Variants in LPL observed in about 807,000 individuals in gnomAD.
LPL encodes the protein lipoprotein lipase, also known as phospholipase A1.
A neutral mutation model predicts 52.2 loss-of-function variants in LPL; 43 were observed. The ratio of observed to expected loss-of-function variants is 0.82; its 90% confidence interval spans 0.64 to 1.06. The LOEUF (loss-of-function observed/expected upper bound fraction) is 1.06. LPL is among the 50% of genes least tolerant of loss of function. LPL has a pLI of 0.00. For missense variants in LPL, 639 were observed against 585.3 expected (o/e 1.09, Z -0.95); for synonymous variants, 244 against 215.6 (o/e 1.13, Z -1.15).
chr8:19,950,379 G>T lies in LPL; in HGVS notation c.250-1390G>T, dbSNP rs1363778663. Among the ~76,000 whole-genome samples, 1 of 152,242 alleles carries T rather than the reference G, an allele frequency of 6.6e-6. No homozygotes were observed. Among genetic ancestry groups the T allele is most frequent in the Non-Finnish European group, 1.5e-5 (1 of 68,046 alleles). ...CTTAGATTTTTCATTTGCTTTGTTT[G>T]GGATTACTTACATCAGTATTTTATG... On this transcript the variant is annotated intron_variant, in intron 2 of 9. Coordinates refer to ENST00000650287, the MANE Select transcript of LPL (RefSeq NM_000237.3). The surrounding 1 kb of genome is among the most constrained non-coding windows in gnomAD (Gnocchi z 4.2).
chr8:19,940,373 G>A (rs966140619), intron 1 of LPL, among the ~76,000 whole-genome samples: 2 of 152,184 alleles, frequency 1.3e-5, no homozygotes, highest in African/African-American at 4.8e-5. Flanking sequence ...GTCAGCTCCG[G>A]GCGCCCGGCC....
chr8:19,956,189 G>C (rs2069984222), intron 6 of LPL, 106 bp downstream of exon 6: 1 of 1,510,054 alleles, frequency 6.6e-7, no homozygotes, highest in Non-Finnish European at 9.1e-7. Context: ...ATGATGACTG[G>C]TGTTACTAAA....
At chr8:19,949,827 T>G (rs1385451395) in intron 2 of LPL, among the ~76,000 whole-genome samples, 1 of 152,206 alleles carries the variant, frequency 6.6e-6, no homozygotes, top group Non-Finnish European at 1.5e-5. Context: ...ATACAGAACT[T>G]GGATTTTAAA....
In LPL at chr8:19,959,340, T is replaced by C; in HGVS notation, c.1099T>C (p.Tyr367His). The change falls in exon 7 of 10, where the codon TAT (tyrosine) becomes CAT (histidine). Residue 367 changes from tyrosine (Y) to histidine (H), a missense_variant. Transcript: ENST00000650287. ...CAATCAGGCCTTTGAGATTTCTCTGTATGGCACCGTGGCCGAGAGTGAGAA... is the reference window on the plus strand; with the variant it reads ...CAATCAGGCCTTTGAGATTTCTCTGCATGGCACCGTGGCCGAGAGTGAGAA... Reference protein sequence around the residue: ...HTNQAFEISLYGTVAESENIP... With the variant: ...HTNQAFEISLHGTVAESENIP... 6.2e-7 allele frequency: 1 copy of C among 1,614,180 alleles called. No homozygotes were observed. Among genetic ancestry groups the C allele is most frequent in the South Asian group, 1.1e-5 (1 of 91,080 alleles).
intron 9 of LPL, 25 bp from the exon 10 acceptor site, chr8:19,965,285 C>T (rs2070075667): frequency 1.3e-6 from 1 of 780,584 alleles, no homozygotes; most frequent in Non-Finnish European, 2.4e-6. Flanking sequence ...TAATAAATTG[C>T]CCTTTTTCCT....
In LPL at chr8:19,959,292, G is replaced by A. The variant is rs772132247; in HGVS notation, c.1051G>A (p.Gly351Arg). The change falls in exon 7 of 10, where the codon GGG becomes AGG. Residue 351 changes from glycine to arginine, a missense_variant. Transcript: ENST00000650287. The part of the protein sequence containing the change: ...FHYQVKIHFS[G>R]TESETHTNQA... ...TTACCAAGTAAAGATTCATTTTTCTGGGACTGAGAGTGAAACCCATACCAA... is the reference window on the plus strand; with the variant it reads ...TTACCAAGTAAAGATTCATTTTTCTAGGACTGAGAGTGAAACCCATACCAA... The A allele has an allele frequency of 9.3e-6, 15 of 1,613,882 alleles. No individual in the cohort carries two copies. The Admixed American group carries it at 2.5e-4, about 27-fold the overall frequency.
At chr8:19,959,797 TTTTTTTTTTG>T (rs1289258295) in intron 7 of LPL, among the ~76,000 whole-genome samples, 2 of 136,100 alleles carry the variant, frequency 1.5e-5, no homozygotes, top group African/African-American at 5.6e-5. Flanking sequence ...TTTTTTTTTT[TTTTTTTTTTG>T]AGATGGAGTC....
rs138065727 is a variant in LPL, at chr8:19,955,848, C to G, written c.783C>G (p.Asp261Glu). 3 of 1,614,164 alleles carry G rather than the reference C, an allele frequency of 1.9e-6. No homozygotes were observed. The highest frequency in any genetic ancestry group is 2.5e-6 in the Non-Finnish European group (3 of 1,180,036). ...TGTCTCTTTTTTACCCAGATGTGGACCAGCTAGTGAAGTGCTCCCACGAGC... is the reference window on the plus strand; with the variant it reads ...TGTCTCTTTTTTACCCAGATGTGGAGCAGCTAGTGAAGTGCTCCCACGAGC... ...VIAERGLGDVDQLVKCSHERS... is the reference protein window; with the variant it reads ...VIAERGLGDVEQLVKCSHERS... Residue 261 changes from aspartate (D) to glutamate (E), a missense_variant, in exon 6 of 10, where the codon GAC (aspartate) becomes GAG (glutamate). Transcript: ENST00000650287.
chr8:19,939,454 C>CCCT lies in LPL; in HGVS notation c.15_17dup (p.Leu7dup), dbSNP rs973095042. 4.3e-6 allele frequency: 7 copies of CCCT among 1,610,352 alleles called. No homozygotes were observed. The Admixed American group carries it at 1.0e-4, about 23-fold the overall frequency. Reference sequence around the variant, plus strand: ...ACGCGCCCCGAGATGGAGAGCAAAGCCCTGCTCGTGCTGACTCTGGCCGTG... The same window carrying CCCT: ...ACGCGCCCCGAGATGGAGAGCAAAGCCCTCCTGCTCGTGCTGACTCTGGCCGTG... On this transcript the variant is annotated inframe_insertion, in exon 1 of 10. Coordinates refer to ENST00000650287, the MANE Select transcript of LPL (RefSeq NM_000237.3). The surrounding 1 kb of genome is among the most constrained non-coding windows in gnomAD (Gnocchi z 4.0).
At chr8:19,948,409 T>C in intron 2 of LPL, 69 bp downstream of exon 2, 3 of 1,581,642 alleles carry the variant, frequency 1.9e-6, no homozygotes, top group South Asian at 1.1e-5. Flanking sequence ...GCCCAATTGT[T>C]GGGGACCCAG....
rs1342927175 is a variant in LPL, at chr8:19,954,094, G to C, written c.542-26G>C. 2.0e-6 allele frequency: 3 copies of C among 1,524,840 alleles called. No homozygotes were observed. In the East Asian group the frequency reaches 6.7e-5, roughly 34 times the overall value. The allele number at this position is 1,524,840 out of a possible 1,614,324, so 94.5% of individuals were successfully genotyped here. A position where few individuals can be genotyped will look rare whatever the true frequency, so the allele number is the denominator to read the frequency against. On this transcript the variant is annotated intron_variant, in intron 4 of 9. Transcript: ENST00000650287. Reference sequence around the variant, plus strand: ...CATACGAATGGAAATTTACAAATCTGTGTTCCTGCTTTTTTCCCTTTTAAG... The same window carrying C: ...CATACGAATGGAAATTTACAAATCTCTGTTCCTGCTTTTTTCCCTTTTAAG...
intron 2 of LPL, 119 bp downstream of exon 2, chr8:19,948,459 C>A (rs2069903334): frequency 1.0e-5 from 12 of 1,185,172 alleles, no homozygotes; most frequent in Non-Finnish European, 1.3e-5. Context: ...GATCTCCTTA[C>A]ACTTGAATAA....
chr8:19,948,775 G>A (rs2069905792), intron 2 of LPL, among the ~76,000 whole-genome samples: 1 of 152,120 alleles, frequency 6.6e-6, no homozygotes, highest in African/African-American at 2.4e-5. Context: ...CGTCCATGCT[G>A]GCTTTGCCAT....
Position 19,939,418 on chromosome 8 carries a change from C to T in LPL, c.-23C>T, listed in dbSNP as rs373898881. On this transcript the variant is annotated 5_prime_UTR_variant, in exon 1 of 10. Coordinates refer to ENST00000650287, the MANE Select transcript of LPL (RefSeq NM_000237.3). The surrounding 1 kb of genome is among the most constrained non-coding windows in gnomAD (Gnocchi z 4.0). ...ATCAGTCGGTCCGCGCCTTGCAGCT[C>T]CTCCAGAGGGACGCGCCCCGAGATG... is the stretch of plus-strand genomic sequence containing the variant. 66 of 1,594,518 alleles carry T rather than the reference C, an allele frequency of 4.1e-5. No individual in the cohort carries two copies. The highest frequency in any genetic ancestry group is 5.4e-5 in the Non-Finnish European group (63 of 1,171,310).
intron 6 of LPL, among the ~76,000 whole-genome samples, chr8:19,956,943 C>T (rs1262916550): frequency 6.6e-6 from 1 of 152,134 alleles, no homozygotes; most frequent in Non-Finnish European, 1.5e-5. Flanking sequence ...CCTGCCTCAG[C>T]CTCCGGAGTA....
rs1204299885 is a variant in LPL at position 19,965,667 on chromosome 8, ACCT to A, written c.*361_*363del. 1 of 218,194 alleles carries A rather than the reference ACCT, an allele frequency of 4.6e-6. No homozygotes were observed. The highest frequency in any genetic ancestry group is 9.0e-6 in the Non-Finnish European group (1 of 110,686). The allele number at this position is 218,194 out of a possible 1,614,324, so 13.5% of individuals were successfully genotyped here. On this transcript the variant is annotated 3_prime_UTR_variant, in exon 10 of 10. Transcript: ENST00000650287. The stretch of plus-strand genomic sequence containing the variant: ...GGGCCATAGCCTATAATTGGTTAGA[ACCT>A]CCTATTTTAATTGGAATTCTGGATC...
intron 6 of LPL, among the ~76,000 whole-genome samples, chr8:19,958,270 C>T (rs1202067518): frequency 2.0e-5 from 3 of 152,140 alleles, no homozygotes; most frequent in Non-Finnish European, 4.4e-5. Flanking sequence ...GATTCACCCA[C>T]CAAGGCCTCC....
intron 1 of LPL, among the ~76,000 whole-genome samples, chr8:19,942,062 G>A (rs997802136): frequency 6.6e-6 from 1 of 152,204 alleles, no homozygotes; most frequent in African/African-American, 2.4e-5. Context: ...CACTGAAGGA[G>A]AGCTCAGCGA....
chr8:19,955,777 C>A, intron 5 of LPL, 64 bp from the exon 6 acceptor site: 4 of 1,607,238 alleles, frequency 2.5e-6, no homozygotes, highest in Non-Finnish European at 3.4e-6. Flanking sequence ...TTTAGACATG[C>A]CAAATGAAAC....
Sources: allele counts gnomAD v4.1 joint callset (sites outside exome capture counted in the v4.1 genomes callset), GRCh38; gene constraint gnomAD v4.1.1; non-coding constraint Gnocchi (gnomAD v3.1); transcripts MANE v1.5; gene names NCBI Gene and HGNC (gene_info 2026-07-23, HGNC 2026-07-21).